Variants in RAB40C observed in about 807,000 individuals in gnomAD.
RAB40C encodes the protein RAB40C, member RAS oncogene family.
A neutral mutation model predicts 28.1 loss-of-function variants in RAB40C; 8 were observed. The observed-to-expected ratio is 0.28, with a 90% CI of 0.17 to 0.51. RAB40C has a LOEUF of 0.51. Ranked by LOEUF, RAB40C falls within the 20% of genes least tolerant of loss-of-function variation. The probability of loss-of-function intolerance (pLI) is 0.97; values close to 1 mark genes in which losing one functional copy is unlikely to be tolerated. For synonymous variants in RAB40C, 201 were observed against 171.7 expected (o/e 1.17, Z -1.34); for missense variants, 288 against 405.9 (o/e 0.71, Z 2.50).
chr16:603,541 A>G (rs2036297918), intron 1 of RAB40C, among the ~76,000 whole-genome samples: 1 of 152,166 alleles, frequency 6.6e-6, no homozygotes, highest in Non-Finnish European at 1.5e-5. Flanking sequence ...TTGTAGGGTA[A>G]TCCGGTCCCC....
At chr16:607,720 G>A (rs1443160672) in intron 1 of RAB40C, among the ~76,000 whole-genome samples, 1 of 152,216 alleles carries the variant, frequency 6.6e-6, no homozygotes, top group Non-Finnish European at 1.5e-5. Context: ...GAACCCAGAA[G>A]GCGGAGCTTG....
intron 1 of RAB40C, among the ~76,000 whole-genome samples, chr16:603,990 A>G (rs983397642): frequency 4.6e-5 from 7 of 151,664 alleles, no homozygotes; most frequent in Non-Finnish European, 8.8e-5. Flanking sequence ...GTTGATGCAC[A>G]TTTGGGTTAT....
rs2036815129 is a variant in RAB40C at position 625,692 on chromosome 16, C to A, written c.342+183C>A. ...GTGCACACGACAGTCGGGCGTGGAG[C>A]CCAGCAAGACCAGGAGCTACGGGGC... is the stretch of plus-strand genomic sequence containing the variant. On this transcript the variant is annotated intron_variant, in intron 4 of 5. Coordinates refer to ENST00000248139, the MANE Select transcript of RAB40C (RefSeq NM_021168.5). 4 of 829,868 alleles carry A rather than the reference C, an allele frequency of 4.8e-6. No individual in the cohort carries two copies. The South Asian group carries it at 6.7e-5, about 14-fold the overall frequency. 51.4% of individuals were successfully genotyped at this position (829,868 alleles called of 1,614,324 possible). A position where few individuals can be genotyped will look rare whatever the true frequency, so the allele number is the denominator to read the frequency against.
At chr16:600,212 T>G (rs2036219953) in intron 1 of RAB40C, among the ~76,000 whole-genome samples, 1 of 152,188 alleles carries the variant, frequency 6.6e-6, no homozygotes, top group African/African-American at 2.4e-5. Context: ...CCTGGAACAG[T>G]CTGTACTTCC....
chr16:622,452 G>A (rs1313659987), intron 3 of RAB40C, among the ~76,000 whole-genome samples: 6 of 152,206 alleles, frequency 3.9e-5, no homozygotes. Context: ...GGCTCCTAGA[G>A]GGGCCTAGAG....
rs763349730 is a variant in RAB40C, at chr16:617,164, T to C, written c.143-44T>C. 39 of 1,608,362 alleles carry C rather than the reference T, an allele frequency of 2.4e-5. No individual in the cohort carries two copies. In the East Asian group the frequency reaches 8.0e-4, roughly 33 times the overall value. On this transcript the variant is annotated intron_variant, in intron 1 of 5. Coordinates refer to ENST00000248139, the MANE Select transcript of RAB40C (RefSeq NM_021168.5). ...CGAGGCTGGTCTCGCGGGCGCTCGC[T>C]CCAGGAGTGGCGCGTCCCCTCAGCG...
chr16:618,423 T>A (rs976137615), intron 3 of RAB40C, among the ~76,000 whole-genome samples, 163 bp downstream of exon 3: 2 of 152,262 alleles, frequency 1.3e-5, no homozygotes, highest in Non-Finnish European at 2.9e-5. Context: ...AGAGACTCAC[T>A]CTGTCACCCA....
At chr16:609,036 G>C (rs1392758236) in intron 1 of RAB40C, among the ~76,000 whole-genome samples, 1 of 152,192 alleles carries the variant, frequency 6.6e-6, no homozygotes. Flanking sequence ...GAGCACGTGA[G>C]CCTAGGAGTT....
intron 1 of RAB40C, among the ~76,000 whole-genome samples, chr16:613,468 A>G (rs1812661067): frequency 6.6e-6 from 1 of 152,258 alleles, no homozygotes; most frequent in South Asian, 2.1e-4. Context: ...CACGCAGCAC[A>G]CTCAGCGGAT....
intron 1 of RAB40C, among the ~76,000 whole-genome samples, chr16:606,885 C>T (rs572691329): frequency 4.6e-5 from 7 of 152,290 alleles, no homozygotes; most frequent in Non-Finnish European, 7.4e-5. Flanking sequence ...CCTCGAGATC[C>T]GTGCACCTTA....
At chr16:624,022 G>A (rs529300062) in intron 3 of RAB40C, 20 of 985,420 alleles carry the variant, frequency 2.0e-5, no homozygotes, top group South Asian at 4.7e-5. Flanking sequence ...CAGCATGCAC[G>A]CTTTTACATG....
chr16:620,648 C>G, intron 3 of RAB40C, among the ~76,000 whole-genome samples: 1 of 108,582 alleles, frequency 9.2e-6, no homozygotes, highest in Non-Finnish European at 1.9e-5. Context: ...CCGCGGGCAT[C>G]CCAGCCCCCC....
Position 590,315 on chromosome 16 carries a change from G to T in RAB40C, c.24G>T (p.Val8=), listed in dbSNP as rs1159790145. The change falls in exon 1 of 6, where the codon GTG becomes GTT. Residue 8 remains valine (V), a synonymous_variant. Transcript: ENST00000248139. Reference sequence around the variant, plus strand: ...CCATGGGCTCGCAGGGCAGTCCGGTGAAGAGCTACGACTACCTGCTCAAGT... The same window carrying T: ...CCATGGGCTCGCAGGGCAGTCCGGTTAAGAGCTACGACTACCTGCTCAAGT... MGSQGSP[V]KSYDYLLKFL... 6 of 1,580,186 alleles carry T rather than the reference G, an allele frequency of 3.8e-6. No individual in the cohort carries two copies. The East Asian group carries it at 1.2e-4, about 32-fold the overall frequency.
intron 1 of RAB40C, among the ~76,000 whole-genome samples, chr16:608,982 G>A (rs1205996328): frequency 6.6e-6 from 1 of 152,134 alleles, no homozygotes; most frequent in African/African-American, 2.4e-5. Context: ...AGGTGTGGTG[G>A]TGCACACCTG....
Position 619,416 on chromosome 16 carries a change from C to T in RAB40C, c.264+1156C>T, listed in dbSNP as rs115229224. Among the ~76,000 whole-genome samples, 972 of 152,246 alleles carry T rather than the reference C, an allele frequency of 6.4e-3. 8 individuals are homozygous for T. The highest frequency in any genetic ancestry group is 0.022 in the African/African-American group (921 of 41,520). On this transcript the variant is annotated intron_variant, in intron 3 of 5. Coordinates refer to ENST00000248139, the MANE Select transcript of RAB40C (RefSeq NM_021168.5). The stretch of plus-strand genomic sequence containing the variant: ...GTGCAGGTATGGTGGGTGCGCTTGG[C>T]CACCCTCGTTTCTGTCTCCTCTGGG...
At chr16:600,016 G>T (rs947267576) in intron 1 of RAB40C, among the ~76,000 whole-genome samples, 2 of 148,884 alleles carry the variant, frequency 1.3e-5, no homozygotes, top group Admixed American at 6.7e-5. Flanking sequence ...ATCAGTCAGC[G>T]TGGATTCGCA....
rs1401213168 is a variant in RAB40C, at chr16:610,636, C to T, written c.143-6572C>T. ...CCTTATGGGGTAGTGTTGAGCTCTG[C>T]AGCCGGAGCCCACTGCCCCTGCCCC... On this transcript the variant is annotated intron_variant, in intron 1 of 5. Transcript: ENST00000248139. This position sits in a 1 kb window ranked among gnomAD's most constrained non-coding sequence, Gnocchi z 4.6. Among the ~76,000 whole-genome samples the T allele has an allele frequency of 2.8e-4, 42 of 152,142 alleles. No individual in the cohort carries two copies. The highest frequency in any genetic ancestry group is 2.7e-3 in the Admixed American group (42 of 15,288).
chr16:590,341 T>C lies in RAB40C; in HGVS notation c.50T>C (p.Phe17Ser). Reference protein sequence around the residue: ...PVKSYDYLLKFLLVGDSDVGK... With the variant: ...PVKSYDYLLKSLLVGDSDVGK... ...AAGAGCTACGACTACCTGCTCAAGTTCCTGCTGGTGGGCGACAGCGACGTG... is the reference window on the plus strand; with the variant it reads ...AAGAGCTACGACTACCTGCTCAAGTCCCTGCTGGTGGGCGACAGCGACGTG... The change falls in exon 1 of 6, where the codon TTC becomes TCC. Residue 17 changes from phenylalanine to serine, a missense_variant. Transcript: ENST00000248139. The C allele has an allele frequency of 6.3e-7, 1 of 1,595,782 alleles. No homozygotes were observed. Among genetic ancestry groups the C allele is most frequent in the Admixed American group, 1.7e-5 (1 of 58,744 alleles).
intron 1 of RAB40C, 90 bp downstream of exon 1, chr16:590,523 G>C (rs562146765): frequency 2.9e-6 from 4 of 1,366,478 alleles, no homozygotes; most frequent in Non-Finnish European, 2.8e-6. Flanking sequence ...GCCCTTCCAA[G>C]CGCCGCCGAA....
Sources: allele counts gnomAD v4.1 joint callset (sites outside exome capture counted in the v4.1 genomes callset), GRCh38; gene constraint gnomAD v4.1.1; non-coding constraint Gnocchi (gnomAD v3.1); transcripts MANE v1.5; gene names NCBI Gene and HGNC (gene_info 2026-07-23, HGNC 2026-07-21).